SCRN1: variants seen among roughly 807,000 people sequenced by gnomAD.
The protein encoded by SCRN1 is secernin 1.
Under a neutral mutation model 43.3 loss-of-function variants are expected in SCRN1, and 19 were observed. That is an observed-to-expected ratio of 0.44 (90% CI 0.31 to 0.64). The LOEUF (loss-of-function observed/expected upper bound fraction) is 0.64. SCRN1 is among the 30% of genes least tolerant of loss of function. The pLI is 0.09. For missense variants in SCRN1, 447 were observed against 524.1 expected (o/e 0.85, Z 1.44); for synonymous variants, 183 against 188.9 (o/e 0.97, Z 0.26).
intron 1 of SCRN1, among the ~76,000 whole-genome samples, chr7:29,977,984 C>T (rs983301159): frequency 2.6e-5 from 4 of 152,194 alleles, no homozygotes; most frequent in African/African-American, 9.7e-5. Context: ...ACTTCAGAAA[C>T]TTTCCTTGAA....
chr7:29,927,236 G>GC (rs1206764226), intron 6 of SCRN1, among the ~76,000 whole-genome samples: 2 of 152,066 alleles, frequency 1.3e-5, no homozygotes, highest in African/African-American at 2.4e-5. Context: ...GGTAGCTAAT[G>GC]CCCCCCAGCT....
intron 1 of SCRN1, among the ~76,000 whole-genome samples, chr7:29,976,117 C>A (rs1240532685): frequency 6.6e-6 from 1 of 152,114 alleles, no homozygotes; most frequent in African/African-American, 2.4e-5. Context: ...CCTTGTCCCC[C>A]CTCCAATCAG....
chr7:29,976,015 G>A (rs1356731951), intron 1 of SCRN1, among the ~76,000 whole-genome samples: 1 of 152,176 alleles, frequency 6.6e-6, no homozygotes, highest in African/African-American at 2.4e-5. Context: ...TAAATGTAAA[G>A]GTATCATGTA....
rs1583685542 is a variant in SCRN1 at position 29,965,443 on chromosome 7, C to A, written c.159+3466G>T. Among the ~76,000 whole-genome samples, 1 of 152,044 alleles carries A rather than the reference C, an allele frequency of 6.6e-6. No homozygotes were observed. The highest frequency in any genetic ancestry group is 1.5e-5 in the Non-Finnish European group (1 of 68,014). Reference sequence around the variant, plus strand: ...GGAGATGGACAAACAAGAGAGGGGGCAGCGGGACTCAGTGACAGCTGTCCC... The same window carrying A: ...GGAGATGGACAAACAAGAGAGGGGGAAGCGGGACTCAGTGACAGCTGTCCC... On this transcript the variant is annotated intron_variant, in intron 2 of 7. Coordinates refer to ENST00000242059, the MANE Select transcript of SCRN1 (RefSeq NM_014766.5). The surrounding 1 kb of genome is among the most constrained non-coding windows in gnomAD (Gnocchi z 4.2).
intron 1 of SCRN1, among the ~76,000 whole-genome samples, chr7:29,978,939 C>T (rs188888687): frequency 1.6e-4 from 25 of 152,304 alleles, no homozygotes; most frequent in African/African-American, 4.3e-4. Context: ...TAGAGTTCAA[C>T]GGAATGTTGT....
chr7:29,963,501 C>T (rs1788395955), intron 2 of SCRN1, among the ~76,000 whole-genome samples: 1 of 152,148 alleles, frequency 6.6e-6, no homozygotes, highest in Non-Finnish European at 1.5e-5. Flanking sequence ...GCAAGCAGTT[C>T]AGTGTAGCTG....
intron 4 of SCRN1, among the ~76,000 whole-genome samples, chr7:29,941,746 C>T (rs1787564904): frequency 6.6e-6 from 1 of 152,228 alleles, no homozygotes; most frequent in African/African-American, 2.4e-5. Context: ...GGCTGGCTTG[C>T]TATGTCTTCT....
At chr7:29,974,762 C>A (rs538859561) in intron 1 of SCRN1, among the ~76,000 whole-genome samples, 8 of 148,876 alleles carry the variant, frequency 5.4e-5, no homozygotes, top group Admixed American at 1.4e-4. Flanking sequence ...TGGCTTACTG[C>A]AACCTCCACC....
At chr7:29,964,297 C>T (rs560957534) in intron 2 of SCRN1, among the ~76,000 whole-genome samples, 1 of 152,164 alleles carries the variant, frequency 6.6e-6, no homozygotes, top group South Asian at 2.1e-4. Context: ...GGATAAATAA[C>T]CTGGTATATC....
At chr7:29,989,921 C>T, upstream of SCRN1, 1 of 1,092,636 alleles carries the variant, frequency 9.2e-7, no homozygotes, top group Non-Finnish European at 1.1e-6. Flanking sequence ...CGTCTGGCTG[C>T]ACGGGCCGCG....
Position 29,926,495 on chromosome 7 carries a change from T to C in SCRN1, c.1043A>G (p.Tyr348Cys). The part of the protein sequence containing the change: ...QEKPDRRHEL[Y>C]KAHEWARAII... Reference sequence around the variant, plus strand: ...GGCACGTGCCCACTCGTGGGCTTTGTACAGCTCATGCCGGCGGTCTGGTTT... The same window carrying C: ...GGCACGTGCCCACTCGTGGGCTTTGCACAGCTCATGCCGGCGGTCTGGTTT... Residue 348 changes from tyrosine (Y) to cysteine (C), a missense_variant, in exon 7 of 8, where the codon TAC becomes TGC. By Grantham distance (194) the Tyr-to-Cys change is radical. Transcript: ENST00000242059. The C allele has an allele frequency of 6.2e-7, 1 of 1,614,072 alleles. No individual in the cohort carries two copies.
chr7:29,976,308 T>C (rs570353786), intron 1 of SCRN1, among the ~76,000 whole-genome samples: 1 of 152,318 alleles, frequency 6.6e-6, no homozygotes, highest in African/African-American at 2.4e-5. Flanking sequence ...AATTTCAAGT[T>C]AAACAGCCAA....
intron 1 of SCRN1, among the ~76,000 whole-genome samples, chr7:29,975,289 T>C (rs1265489380): frequency 6.6e-6 from 1 of 152,208 alleles, no homozygotes; most frequent in Non-Finnish European, 1.5e-5. Flanking sequence ...TGAACAGAGT[T>C]TGTCCAGAAA....
intron 6 of SCRN1, among the ~76,000 whole-genome samples, chr7:29,935,737 G>A (rs1787303053): frequency 6.6e-6 from 1 of 152,244 alleles, no homozygotes; most frequent in African/African-American, 2.4e-5. Flanking sequence ...ATGACAGAAT[G>A]TTCCTGGGGA....
chr7:29,952,181 C>T (rs1420473510), intron 3 of SCRN1, among the ~76,000 whole-genome samples: 2 of 152,222 alleles, frequency 1.3e-5, no homozygotes, highest in Non-Finnish European at 2.9e-5. Context: ...TCAGCACCAG[C>T]TGGAGAACTT....
chr7:29,987,013 C>T (rs1408991394), intron 1 of SCRN1, among the ~76,000 whole-genome samples: 3 of 152,154 alleles, frequency 2.0e-5, no homozygotes, highest in Admixed American at 6.5e-5. Context: ...CGTGAGCCAC[C>T]GCGCCCGGCT....
chr7:29,928,085 C>T (rs947291451), intron 6 of SCRN1, among the ~76,000 whole-genome samples: 3 of 152,264 alleles, frequency 2.0e-5, no homozygotes, highest in South Asian at 4.2e-4. Flanking sequence ...ATCATGCCAT[C>T]GCACTCCGGC....
At chr7:29,937,100 G>A (rs1787366165) in intron 5 of SCRN1, among the ~76,000 whole-genome samples, 1 of 152,116 alleles carries the variant, frequency 6.6e-6, no homozygotes, top group Non-Finnish European at 1.5e-5. Flanking sequence ...TGGCGTGGCG[G>A]GCCACTAACT....
At chr7:29,990,142 G>A, upstream of SCRN1, 1 of 1,551,440 alleles carries the variant, frequency 6.4e-7, no homozygotes, top group Non-Finnish European at 8.7e-7. Flanking sequence ...GGGCCTCGGC[G>A]CCCACACAAG....
Sources: allele counts gnomAD v4.1 joint callset (sites outside exome capture counted in the v4.1 genomes callset), GRCh38; gene constraint gnomAD v4.1.1; non-coding constraint Gnocchi (gnomAD v3.1); transcripts MANE v1.5; gene names NCBI Gene and HGNC (gene_info 2026-07-23, HGNC 2026-07-21).